ECE2: variants seen among roughly 807,000 people sequenced by gnomAD.
ECE2 encodes the protein endothelin-converting enzyme 2.
ECE2 carries 81 observed loss-of-function variants against 100.6 expected under a neutral mutation model. The ratio of observed to expected loss-of-function variants is 0.81; its 90% confidence interval spans 0.67 to 0.97. ECE2 has a LOEUF of 0.97. Ranked by LOEUF, ECE2 falls within the 50% of genes least tolerant of loss-of-function variation. The probability of loss-of-function intolerance (pLI) is 0.00; values close to 1 mark genes in which losing one functional copy is unlikely to be tolerated. For missense variants in ECE2, 911 were observed against 988.1 expected (o/e 0.92, Z 1.05); for synonymous variants, 391 against 391.5 (o/e 1.00, Z 0.02).
intron 10 of ECE2, 41 bp from the exon 11 acceptor site, chr3:184,287,794 GAC>G (rs1348775767): frequency 6.4e-7 from 1 of 1,567,180 alleles, no homozygotes; most frequent in Non-Finnish European, 8.8e-7. Flanking sequence ...CTGACTGGAG[GAC>G]ACAGCCATCT....
At chr3:184,281,142 C>T (rs193156185) in intron 7 of ECE2, among the ~76,000 whole-genome samples, 59 of 151,160 alleles carry the variant, frequency 3.9e-4, no homozygotes, top group African/African-American at 1.4e-3. Flanking sequence ...ACCATTTGTC[C>T]TTCTGTCATT....
chr3:184,292,506 C>T lies in ECE2; in HGVS notation c.*268C>T. ...CTGGAAGAGGTCTGGGTGGGGAGGC[C>T]AGTTCCCATAGGAAGGAGTCTGCCT... On this transcript the variant is annotated 3_prime_UTR_variant, in exon 19 of 19. Transcript: ENST00000404464. 2.0e-6 allele frequency: 1 copy of T among 510,914 alleles called. No homozygotes were observed. Among genetic ancestry groups the T allele is most frequent in the Admixed American group, 3.3e-5 (1 of 30,632 alleles). The allele number at this position is 510,914 out of a possible 1,614,324, so 31.6% of individuals were successfully genotyped here. A position where few individuals can be genotyped will look rare whatever the true frequency, so the allele number is the denominator to read the frequency against.
In ECE2 at chr3:184,277,049, G is replaced by A. The variant is rs781704161; in HGVS notation, c.262+22G>A. 57 of 1,613,320 alleles carry A rather than the reference G, an allele frequency of 3.5e-5. No individual in the cohort carries two copies. The Middle Eastern group carries it at 6.6e-4, about 19-fold the overall frequency. ...AGAGGTAGGTGGGCCCACACTCTTC[G>A]TCAGTATTCATAACTAGGGGTTCTG... On this transcript the variant is annotated intron_variant, in intron 3 of 18. Coordinates refer to ENST00000404464, the MANE Select transcript of ECE2 (RefSeq NM_001100121.2).
At position 184,287,770 on chromosome 3, in the gene ECE2, C is replaced by T. The variant is rs1368656773; in HGVS notation, c.1264-67C>T. ...TGAGAAGGGCTGCTAGCCCCAGTGA[C>T]AGAGAAAGGCCCTCTGACTGGAGGA... On this transcript the variant is annotated intron_variant, in intron 10 of 18. Transcript: ENST00000404464. The T allele has an allele frequency of 6.3e-6, 9 of 1,421,802 alleles. No individual in the cohort carries two copies. In the Admixed American group the frequency reaches 1.4e-4, roughly 22 times the overall value. 88.1% of individuals were successfully genotyped at this position (1,421,802 alleles called of 1,614,324 possible). A position where few individuals can be genotyped will look rare whatever the true frequency, so the allele number is the denominator to read the frequency against.
At position 184,290,575 on chromosome 3, in the gene ECE2, G is replaced by C. The variant is rs767934298; in HGVS notation, c.1674G>C (p.Gln558His). Residue 558 changes from glutamine (Q) to histidine (H), a missense_variant, in exon 15 of 19, where the codon CAG (glutamine) becomes CAC (histidine). Gln to His is a conservative substitution (Grantham distance 24). Coordinates refer to ENST00000404464, the MANE Select transcript of ECE2 (RefSeq NM_001100121.2). Reference protein sequence around the residue: ...PSRDQWSMTPQTVNAYYLPTK... With the variant: ...PSRDQWSMTPHTVNAYYLPTK... ...CCGCCAGGTGGAGCATGACCCCCCA[G>C]ACAGTGAATGCCTACTACCTTCCAA... 3.1e-6 allele frequency: 5 copies of C among 1,614,152 alleles called. No homozygotes were observed. The highest frequency in any genetic ancestry group is 4.2e-6 in the Non-Finnish European group (5 of 1,180,012).
In ECE2 at chr3:184,276,553, C is replaced by G; in HGVS notation, c.112C>G (p.Pro38Ala). 6.2e-7 allele frequency: 1 copy of G among 1,610,774 alleles called. No individual in the cohort carries two copies. Among genetic ancestry groups the G allele is most frequent in the African/African-American group, 1.3e-5 (1 of 75,012 alleles). ...GACCCCCGTAGAGGGCGGGGCCTCC[C>G]CGGACGCCATGGAGGTGGGCAAGGG... ...PETPVEGGAS[P>A]DAMEVGFQKG... The change falls in exon 2 of 19, where the codon CCG becomes GCG. Residue 38 changes from proline (P) to alanine (A), a missense_variant. Pro to Ala is a conservative substitution (Grantham distance 27). Transcript: ENST00000404464.
chr3:184,290,526 G>A lies in ECE2; in HGVS notation c.1656-31G>A, dbSNP rs757456305. ...AGGGGAGCAGTGTCAGGAGAGTCGG[G>A]AGCCTCAGCCCCTCACTCTTCCTCC... On this transcript the variant is annotated intron_variant, in intron 14 of 18. Transcript: ENST00000404464. 11 of 1,605,476 alleles carry A rather than the reference G, an allele frequency of 6.9e-6. No homozygotes were observed. In the South Asian group the frequency reaches 9.9e-5, roughly 14 times the overall value.
intron 15 of ECE2, 61 bp from the exon 16 acceptor site, chr3:184,290,732 C>G: frequency 6.2e-7 from 1 of 1,612,174 alleles, no homozygotes; most frequent in South Asian, 1.1e-5. Context: ...GGGAGCAGGG[C>G]TGGAGGTGGG....
Position 184,281,618 on chromosome 3 carries a change from G to A in ECE2, c.817-2167G>A, listed in dbSNP as rs185350515. The stretch of plus-strand genomic sequence containing the variant: ...GTGATGTGAACAGATGTGTGATTTT[G>A]ACATCATCTGAGTCAGGGGAGGAGA... On this transcript the variant is annotated intron_variant, in intron 7 of 18. Coordinates refer to ENST00000404464, the MANE Select transcript of ECE2 (RefSeq NM_001100121.2). Among the ~76,000 whole-genome samples the A allele has an allele frequency of 2.3e-3, 351 of 152,366 alleles. 4 individuals carry two copies. The highest frequency in any genetic ancestry group is 0.021 in the Admixed American group (322 of 15,300).
At chr3:184,284,124 GGGAAA>G in intron 8 of ECE2, 151 bp downstream of exon 8, 1 of 1,013,720 alleles carries the variant, frequency 9.9e-7, no homozygotes. Flanking sequence ...TGCTGTCCTG[GGGAAA>G]AAAATGGTGT....
Position 184,287,744 on chromosome 3 carries a change from C to T in ECE2, c.1264-93C>T, listed in dbSNP as rs1721120519. 3 of 1,121,088 alleles carry T rather than the reference C, an allele frequency of 2.7e-6. No individual in the cohort carries two copies. The Admixed American group carries it at 5.6e-5, about 21-fold the overall frequency. 69.4% of individuals were successfully genotyped at this position (1,121,088 alleles called of 1,614,324 possible). ...GCAAACCCAGGACTCTTGTCCAGAG[C>T]TGAGAAGGGCTGCTAGCCCCAGTGA... On this transcript the variant is annotated intron_variant, in intron 10 of 18. Coordinates refer to ENST00000404464, the MANE Select transcript of ECE2 (RefSeq NM_001100121.2).
Position 184,283,773 on chromosome 3 carries a change from G to T in ECE2, c.817-12G>T. The stretch of plus-strand genomic sequence containing the variant: ...TGTTGCTGGGCTCTGAGGATCACCC[G>T]GGCCTTGACAGGTGCTCACTGCCTA... On this transcript the variant is annotated splice_polypyrimidine_tract_variant and intron_variant, in intron 7 of 18. Transcript: ENST00000404464. 6.2e-7 allele frequency: 1 copy of T among 1,612,176 alleles called. No individual in the cohort carries two copies. The highest frequency in any genetic ancestry group is 1.3e-5 in the African/African-American group (1 of 74,736).
Position 184,291,063 on chromosome 3 carries a change from A to G in ECE2, c.1858A>G (p.Asn620Asp). ...AGGGCGCGAGTATGACAAAGAAGGGAACCTGCGGCCCTGGTGGCAGAATGA... is the reference window on the plus strand; with the variant it reads ...AGGGCGCGAGTATGACAAAGAAGGGGACCTGCGGCCCTGGTGGCAGAATGA... The part of the protein sequence containing the change: ...DQGREYDKEG[N>D]LRPWWQNESL... Residue 620 changes from asparagine (N) to aspartate (D), a missense_variant, in exon 17 of 19, where the codon AAC becomes GAC. By Grantham distance (23) the Asn-to-Asp change is conservative. Transcript: ENST00000404464. The surrounding 1 kb of genome is among the most constrained non-coding windows in gnomAD (Gnocchi z 4.1). 6.3e-7 allele frequency: 1 copy of G among 1,575,878 alleles called. No individual in the cohort carries two copies. Among genetic ancestry groups the G allele is most frequent in the Non-Finnish European group, 8.6e-7 (1 of 1,159,552 alleles).
Position 184,285,408 on chromosome 3 carries a change from T to C in ECE2, c.1149-70T>C. 3.2e-6 allele frequency: 4 copies of C among 1,238,384 alleles called. No homozygotes were observed. In the South Asian group the frequency reaches 4.9e-5, roughly 15 times the overall value. 76.7% of individuals were successfully genotyped at this position (1,238,384 alleles called of 1,614,324 possible). ...GGGACTCCTGCAACTTGCATGTTCC[T>C]GGGGGCTGGTTTGAGGGGTGTGAAG... On this transcript the variant is annotated intron_variant, in intron 9 of 18. Coordinates refer to ENST00000404464, the MANE Select transcript of ECE2 (RefSeq NM_001100121.2).
intron 7 of ECE2, among the ~76,000 whole-genome samples, chr3:184,280,420 C>A (rs1190098650): frequency 6.6e-6 from 1 of 152,114 alleles, no homozygotes; most frequent in African/African-American, 2.4e-5. Context: ...GGGAGCTGCT[C>A]CTTTTAGACA....
rs1325496685 is a variant in ECE2 at position 184,291,965 on chromosome 3, G to A, written c.2122-97G>A. ...TGGAAGGAACTTGGGAGGGGCTGCA[G>A]CGGTGGTGGTTTGTGCCCCTGGGAT... On this transcript the variant is annotated intron_variant, in intron 18 of 18. Transcript: ENST00000404464. The surrounding 1 kb of genome is among the most constrained non-coding windows in gnomAD (Gnocchi z 4.1). 1.4e-6 allele frequency: 2 copies of A among 1,402,406 alleles called. No homozygotes were observed. Among genetic ancestry groups the A allele is most frequent in the Non-Finnish European group, 2.0e-6 (2 of 1,024,796 alleles). The allele number at this position is 1,402,406 out of a possible 1,614,324, so 86.9% of individuals were successfully genotyped here. A position where few individuals can be genotyped will look rare whatever the true frequency, so the allele number is the denominator to read the frequency against.
chr3:184,285,291 C>T (rs1376551289), intron 9 of ECE2, among the ~76,000 whole-genome samples, 186 bp downstream of exon 9: 1 of 152,102 alleles, frequency 6.6e-6, no homozygotes, highest in East Asian at 1.9e-4. Context: ...TGATCTCTGT[C>T]CCCCCACTGC....
intron 4 of ECE2, 39 bp from the exon 5 acceptor site, chr3:184,277,886 A>G (rs1264611899): frequency 6.2e-7 from 1 of 1,605,332 alleles, no homozygotes. Flanking sequence ...CTCAGCAGTT[A>G]ACGTAATTGC....
Position 184,278,168 on chromosome 3 carries a change from T to G in ECE2, c.605T>G (p.Ile202Ser), listed in dbSNP as rs1225358675. 1.4e-5 allele frequency: 23 copies of G among 1,614,046 alleles called. No homozygotes were observed. The highest frequency in any genetic ancestry group is 1.9e-5 in the Non-Finnish European group (23 of 1,179,982). The change falls in exon 6 of 19, where the codon ATT becomes AGT. Residue 202 changes from isoleucine (I) to serine (S), a missense_variant and splice_region_variant. Transcript: ENST00000404464. ...ATTCCACTTATGGTCTCTACATAGA[T>G]TGGTGGTTGGAACATTACGGGGCCC... Reference protein sequence around the residue: ...AQPLRDLIEKIGGWNITGPWD... With the variant: ...AQPLRDLIEKSGGWNITGPWD...
Sources: gnomAD v4.1 joint callset for allele counts (sites outside exome capture counted in the v4.1 genomes callset) on GRCh38, gnomAD v4.1.1 for gene constraint, Gnocchi (gnomAD v3.1) non-coding constraint, MANE v1.5 for transcripts, NCBI Gene and HGNC (gene_info 2026-07-23, HGNC 2026-07-21) for gene names.